Variants in CDH8 observed in about 807,000 individuals in gnomAD.
CDH8 encodes cadherin 8.
Under a neutral mutation model 68.1 loss-of-function variants are expected in CDH8, and 17 were observed. The ratio of observed to expected loss-of-function variants is 0.25; its 90% CI spans 0.17 to 0.37. The LOEUF is 0.37. Among genes scored for constraint, CDH8 ranks in the 10% least tolerant of loss-of-function variants. The probability of loss-of-function intolerance (pLI) is 1.00; values close to 1 mark genes in which losing one functional copy is unlikely to be tolerated. For synonymous variants in CDH8, 372 were observed against 365.1 expected (o/e 1.02, Z -0.21); for missense variants, 763 against 999.3 (o/e 0.76, Z 3.19).
chr16:61,653,557 C>T lies in CDH8; in HGVS notation c.*51G>A. The T allele has an allele frequency of 1.3e-6, 2 of 1,549,558 alleles. No individual in the cohort carries two copies. The highest frequency in any genetic ancestry group is 2.7e-5 in the African/African-American group (2 of 72,810). Reference sequence around the variant, plus strand: ...ATTGGTTGTATCTAAGGGGAGTGACCCTAGAATATTACAGAATGCTCAGTT... The same window carrying T: ...ATTGGTTGTATCTAAGGGGAGTGACTCTAGAATATTACAGAATGCTCAGTT... On this transcript the variant is annotated 3_prime_UTR_variant, in exon 12 of 12. Coordinates refer to ENST00000577390, the MANE Select transcript of CDH8 (RefSeq NM_001796.5).
intron 8 of CDH8, among the ~76,000 whole-genome samples, chr16:61,775,016 C>T (rs1327357891): frequency 6.6e-6 from 1 of 152,066 alleles, no homozygotes; most frequent in East Asian, 1.9e-4. Context: ...ATACAAATCG[C>T]TATTTAAGAT....
At chr16:61,812,236 C>G (rs1326877433) in intron 7 of CDH8, among the ~76,000 whole-genome samples, 1 of 152,128 alleles carries the variant, frequency 6.6e-6, no homozygotes, top group Non-Finnish European at 1.5e-5. Context: ...AATCTAAAGA[C>G]TGCTTTCAGG....
chr16:61,665,693 G>C (rs998481981), intron 10 of CDH8, among the ~76,000 whole-genome samples: 3 of 151,662 alleles, frequency 2.0e-5, no homozygotes, highest in African/African-American at 7.3e-5. Context: ...GATAGACTGT[G>C]CCTATCTGGA....
At chr16:62,000,827 T>C (rs1010427940) in intron 2 of CDH8, among the ~76,000 whole-genome samples, 3 of 152,240 alleles carry the variant, frequency 2.0e-5, no homozygotes, top group African/African-American at 7.2e-5. Flanking sequence ...TTTGTAGTAG[T>C]ATTACTACTA....
At chr16:61,984,817 C>CT (rs1269284812) in intron 2 of CDH8, among the ~76,000 whole-genome samples, 1 of 152,100 alleles carries the variant, frequency 6.6e-6, no homozygotes, top group African/African-American at 2.4e-5. Flanking sequence ...ACTTTTTATA[C>CT]TTAAGGCATG....
chr16:61,898,602 G>C (rs1476890783), intron 3 of CDH8, among the ~76,000 whole-genome samples: 1 of 152,124 alleles, frequency 6.6e-6, no homozygotes, highest in Non-Finnish European at 1.5e-5. Flanking sequence ...AAATAACATG[G>C]TTAGAATCAA....
intron 2 of CDH8, among the ~76,000 whole-genome samples, chr16:61,903,782 C>T (rs8057724): frequency 0.26 from 38,947 of 151,918 alleles, 6,530 homozygotes; most frequent in African/African-American, 0.49. Flanking sequence ...TCCAGCTATC[C>T]GAAAATTATT....
chr16:61,880,703 A>G (rs931987697), intron 3 of CDH8, among the ~76,000 whole-genome samples: 1 of 152,170 alleles, frequency 6.6e-6, no homozygotes, highest in East Asian at 1.9e-4. Flanking sequence ...GTTCAAAACC[A>G]TGTTTTGAAA....
At chr16:61,959,625 TAC>T (rs1194918669) in intron 2 of CDH8, among the ~76,000 whole-genome samples, 1 of 151,442 alleles carries the variant, frequency 6.6e-6, no homozygotes, top group East Asian at 2.0e-4. Flanking sequence ...CATACATATA[TAC>T]ACACACATAC....
At chr16:61,718,471 T>C (rs1039159224) in intron 9 of CDH8, among the ~76,000 whole-genome samples, 4 of 151,348 alleles carry the variant, frequency 2.6e-5, no homozygotes, top group African/African-American at 9.7e-5. Context: ...TTCTCTTTTC[T>C]CTAAATCCTT....
At chr16:62,024,247 G>A (rs936729761) in intron 1 of CDH8, among the ~76,000 whole-genome samples, 5 of 152,016 alleles carry the variant, frequency 3.3e-5, no homozygotes, top group Non-Finnish European at 7.4e-5. Flanking sequence ...GTTGTATAAC[G>A]GCGGAGGGAG....
chr16:61,975,491 G>T (rs1965419583), intron 2 of CDH8, among the ~76,000 whole-genome samples: 1 of 152,064 alleles, frequency 6.6e-6, no homozygotes, highest in South Asian at 2.1e-4. Context: ...CTAAGCACAG[G>T]GACTGCCATG....
At chr16:61,976,874 A>T (rs1424866870) in intron 2 of CDH8, among the ~76,000 whole-genome samples, 2 of 152,188 alleles carry the variant, frequency 1.3e-5, no homozygotes, top group Non-Finnish European at 2.9e-5. Flanking sequence ...TTCATTGGGG[A>T]ATTCATCAGC....
chr16:61,813,700 T>A lies in CDH8; in HGVS notation c.1277+3779A>T, dbSNP rs1021777234. On this transcript the variant is annotated intron_variant, in intron 7 of 11. Transcript: ENST00000577390. ...TGTTTTTTTTTCCCTTTTTGCCCAA[T>A]AAAATCCTGTCCTACTCACCTTTTA... 3.3e-5 allele frequency among the ~76,000 whole-genome samples: 5 copies of A among 152,036 alleles called. No individual in the cohort carries two copies. The East Asian group carries it at 9.7e-4, about 29-fold the overall frequency.
At chr16:61,848,363 A>C (rs1175750771) in intron 4 of CDH8, among the ~76,000 whole-genome samples, 4 of 152,064 alleles carry the variant, frequency 2.6e-5, no homozygotes, top group African/African-American at 7.2e-5. Flanking sequence ...CTCCAAATAG[A>C]CATTTCTTTG....
intron 3 of CDH8, among the ~76,000 whole-genome samples, chr16:61,888,323 A>T (rs1390600642): frequency 1.3e-5 from 2 of 152,180 alleles, no homozygotes; most frequent in African/African-American, 2.4e-5. Context: ...CATGGGTTCT[A>T]GTTGGTCCTC....
intron 2 of CDH8, among the ~76,000 whole-genome samples, chr16:61,993,412 C>T (rs528384214): frequency 5.3e-5 from 8 of 150,134 alleles, no homozygotes; most frequent in South Asian, 4.2e-4. Flanking sequence ...TTCTGCCTCC[C>T]GGGTTCAAGT....
At chr16:61,673,416 T>A (rs1327687118) in intron 10 of CDH8, among the ~76,000 whole-genome samples, 3 of 152,110 alleles carry the variant, frequency 2.0e-5, no homozygotes, top group African/African-American at 7.2e-5. Context: ...TTCTTTAAAA[T>A]AATCTGATAT....
At chr16:61,911,669 T>G (rs1225114038) in intron 2 of CDH8, among the ~76,000 whole-genome samples, 1 of 149,926 alleles carries the variant, frequency 6.7e-6, no homozygotes, top group Non-Finnish European at 1.5e-5. Flanking sequence ...GATAGGTAGA[T>G]GAATAGAGAT....
Sources: allele counts gnomAD v4.1 joint callset (sites outside exome capture counted in the v4.1 genomes callset), GRCh38; gene constraint gnomAD v4.1.1; transcripts MANE v1.5; gene names NCBI Gene and HGNC (gene_info 2026-07-23, HGNC 2026-07-21).